Variants in AFAP1L2 observed in about 807,000 individuals in gnomAD.
The protein encoded by AFAP1L2 is actin filament associated protein 1 like 2.
In AFAP1L2, 46 loss-of-function variants were observed where a neutral mutation model predicts 99.3. The ratio of observed to expected loss-of-function variants is 0.46; its 90% confidence interval spans 0.37 to 0.59. AFAP1L2 has a LOEUF of 0.59. Among genes scored for constraint, AFAP1L2 ranks in the 20% least tolerant of loss-of-function variants. The pLI, the probability that AFAP1L2 is intolerant of heterozygous loss-of-function variation, is 0.00. For synonymous variants in AFAP1L2, 397 were observed against 419.1 expected (o/e 0.95, Z 0.64); for missense variants, 959 against 1,034.9 (o/e 0.93, Z 1.01).
chr10:114,385,321 G>T (rs1181904736), intron 1 of AFAP1L2, among the ~76,000 whole-genome samples: 1 of 152,202 alleles, frequency 6.6e-6, no homozygotes, highest in Non-Finnish European at 1.5e-5. Flanking sequence ...AGCTGTGAGT[G>T]ATGCTGGGGC....
chr10:114,288,944 G>A, the AFAP1L2 span: 54 of 1,605,610 alleles, frequency 3.4e-5, no homozygotes, highest in East Asian at 4.5e-5. Flanking sequence ...GCAGGGTGCC[G>A]GACACAAGCC....
intron 2 of AFAP1L2, among the ~76,000 whole-genome samples, chr10:114,337,888 TC>T (rs1220205137): frequency 6.6e-6 from 1 of 152,106 alleles, no homozygotes; most frequent in African/African-American, 2.4e-5. Flanking sequence ...GAGTGAATCA[TC>T]CCCCTCCAAC....
chr10:114,392,049 G>C (rs2057218741), intron 1 of AFAP1L2, among the ~76,000 whole-genome samples: 1 of 152,112 alleles, frequency 6.6e-6, no homozygotes, highest in African/African-American at 2.4e-5. Flanking sequence ...GCTTATCTTA[G>C]CTAGGATAGC....
chr10:114,300,720 A>G (rs1264112645), intron 13 of AFAP1L2, 30 bp from the exon 14 acceptor site: 2 of 1,555,858 alleles, frequency 1.3e-6, no homozygotes, highest in African/African-American at 1.4e-5. Context: ...TGGGGCATTC[A>G]ACATTACCTC....
intron 1 of AFAP1L2, among the ~76,000 whole-genome samples, chr10:114,357,965 C>G (rs2051643103): frequency 6.6e-6 from 1 of 152,200 alleles, no homozygotes; most frequent in African/African-American, 2.4e-5. Flanking sequence ...TCTCAAATCT[C>G]AAACCAGATT....
rs1472987185 is a variant in AFAP1L2 at position 114,296,064 on chromosome 10, C to T, written c.2435G>A (p.Trp812Ter). Residue 812 changes from tryptophan to a stop codon, truncating the protein, a stop_gained, in exon 19 of 19, where the codon TGG becomes TAG. Coordinates refer to ENST00000304129, the MANE Select transcript of AFAP1L2 (RefSeq NM_001001936.3). LOFTEE classifies it high-confidence loss of function. ...TTTCTAACTTGCTCCTTTCTTCTCC[C>T]ATTCCTAGGGTACCATTCAAATACC... Reference protein sequence around the residue: ...KGTVLQKAKEWEKKGAS With the variant: ...KGTVLQKAKE 6.2e-7 allele frequency: 1 copy of T among 1,614,168 alleles called. No homozygotes were observed. The highest frequency in any genetic ancestry group is 1.3e-5 in the African/African-American group (1 of 75,052).
At chr10:114,284,317 A>C in the AFAP1L2 span, among the ~76,000 whole-genome samples, 3 of 152,162 alleles carry the variant, frequency 2.0e-5, no homozygotes, top group Non-Finnish European at 2.9e-5. Flanking sequence ...TAATCCTCAC[A>C]ATAACCCCAC....
intron 5 of AFAP1L2, among the ~76,000 whole-genome samples, chr10:114,318,774 C>G (rs1164634356): frequency 3.1e-5 from 2 of 65,352 alleles, no homozygotes; most frequent in Non-Finnish European, 8.2e-5. Flanking sequence ...ACAAATCATA[C>G]TCCTGGAGTA....
At chr10:114,305,780 G>A (rs1456385189) in intron 10 of AFAP1L2, among the ~76,000 whole-genome samples, 5 of 133,042 alleles carry the variant, frequency 3.8e-5, no homozygotes, top group South Asian at 2.8e-4. Flanking sequence ...GGGGCTGCAG[G>A]AGGGGACGCA....
chr10:114,291,501 C>T, downstream of AFAP1L2: 1 of 470,808 alleles, frequency 2.1e-6, no homozygotes. Context: ...TAAGTAAATA[C>T]CCACTTTCTG....
chr10:114,305,083 C>CCAGGAGGGGACGCAGATG, intron 10 of AFAP1L2, 153 bp from the exon 11 acceptor site: 1 of 419,732 alleles, frequency 2.4e-6, no homozygotes. Flanking sequence ...GGACTGGGCT[C>CCAGGAGGGGACGCAGATG]CAGGAGGGGA....
At chr10:114,364,412 C>T (rs532503080) in intron 1 of AFAP1L2, among the ~76,000 whole-genome samples, 1 of 152,188 alleles carries the variant, frequency 6.6e-6, no homozygotes, top group East Asian at 1.9e-4. Flanking sequence ...GGGGAAGAAC[C>T]TTACTTGGCT....
chr10:114,398,510 C>T (rs1288984149), intron 1 of AFAP1L2, among the ~76,000 whole-genome samples: 2 of 152,222 alleles, frequency 1.3e-5, no homozygotes, highest in Admixed American at 1.3e-4. Flanking sequence ...TATCTGCTCC[C>T]CTGCGTTAAT....
rs747277134 is a variant in AFAP1L2 at position 114,382,588 on chromosome 10, C to CTTCTTTTTTTTTTTTTTTTTTTT, written c.16+21851_16+21852insAAAAAAAAAAAAAAAAAAAAGAA. 2.1e-5 allele frequency among the ~76,000 whole-genome samples: 2 copies of CTTCTTTTTTTTTTTTTTTTTTTT among 93,296 alleles called. 1 individual carries two copies. The allele number at this position is 93,296 out of a possible 152,430, so 61.2% of individuals were successfully genotyped here. ...CAATGATATTATGTATATTTCTTCT[C>CTTCTTTTTTTTTTTTTTTTTTTT]TTTTTTTTTTTTTTTTTTTTTTGAG... On this transcript the variant is annotated intron_variant, in intron 1 of 18. Transcript: ENST00000304129.
intron 5 of AFAP1L2, among the ~76,000 whole-genome samples, chr10:114,320,050 G>A (rs571712085): frequency 6.6e-6 from 1 of 152,178 alleles, no homozygotes; most frequent in African/African-American, 2.4e-5. Flanking sequence ...TCTACATGAG[G>A]ATGAGTAATG....
chr10:114,372,828 T>C (rs1270958953), intron 1 of AFAP1L2, among the ~76,000 whole-genome samples: 2 of 152,112 alleles, frequency 1.3e-5, no homozygotes, highest in Non-Finnish European at 2.9e-5. Context: ...ATTCTCTACA[T>C]AAGATATTCA....
At chr10:114,336,024 G>A (rs2047919973) in intron 2 of AFAP1L2, among the ~76,000 whole-genome samples, 1 of 152,074 alleles carries the variant, frequency 6.6e-6, no homozygotes, top group Admixed American at 6.6e-5. Flanking sequence ...AGATGTTATT[G>A]TTTTAAATGT....
At chr10:114,296,133 G>T in intron 18 of AFAP1L2, 65 bp from the exon 19 acceptor site, 2 of 1,605,374 alleles carry the variant, frequency 1.2e-6, no homozygotes, top group South Asian at 2.2e-5. Context: ...ATCCACTGTA[G>T]CAACCTTGAT....
chr10:114,351,669 C>T (rs144882029), intron 1 of AFAP1L2, among the ~76,000 whole-genome samples: 88 of 152,238 alleles, frequency 5.8e-4, no homozygotes, highest in African/African-American at 2.1e-3. Context: ...GAAACGAAGG[C>T]CTCCTGGGCC....
Sources: allele counts gnomAD v4.1 joint callset (sites outside exome capture counted in the v4.1 genomes callset), GRCh38; gene constraint gnomAD v4.1.1; transcripts MANE v1.5; gene names NCBI Gene and HGNC (gene_info 2026-07-23, HGNC 2026-07-21).